UBE2E2: variants seen among roughly 807,000 people sequenced by gnomAD.
The protein encoded by UBE2E2 is ubiquitin-conjugating enzyme E2 E2.
UBE2E2 carries 6 observed loss-of-function variants against 24.7 expected under a neutral mutation model. That is an observed-to-expected ratio of 0.24 (90% CI 0.13 to 0.48). The LOEUF (loss-of-function observed/expected upper bound fraction) is 0.48, where lower values mean the gene tolerates loss of function less well. Ranked by LOEUF, UBE2E2 falls within the 20% of genes least tolerant of loss-of-function variation. UBE2E2 has a pLI of 0.99. For synonymous variants in UBE2E2, 104 were observed against 83.6 expected (o/e 1.24, Z -1.33); for missense variants, 169 against 245.0 (o/e 0.69, Z 2.07).
chr3:23,530,919 A>G (rs1371187670), intron 4 of UBE2E2, among the ~76,000 whole-genome samples: 6 of 152,048 alleles, frequency 3.9e-5, no homozygotes, highest in Non-Finnish European at 5.9e-5. Context: ...TGCGCTTACT[A>G]TAATTTTTGG....
At chr3:23,375,199 T>G (rs1455934517) in intron 3 of UBE2E2, among the ~76,000 whole-genome samples, 1 of 152,180 alleles carries the variant, frequency 6.6e-6, no homozygotes, top group Non-Finnish European at 1.5e-5. Context: ...CTTTGCTCTT[T>G]GTGTACTCTC....
At chr3:23,401,246 C>G (rs1346052153) in intron 3 of UBE2E2, among the ~76,000 whole-genome samples, 1 of 152,098 alleles carries the variant, frequency 6.6e-6, no homozygotes, top group Admixed American at 6.5e-5. Context: ...AAAGGTAAGT[C>G]TAGAGAAATG....
At chr3:23,574,919 A>G (rs1258470096) in intron 5 of UBE2E2, among the ~76,000 whole-genome samples, 2 of 152,204 alleles carry the variant, frequency 1.3e-5, no homozygotes, top group Admixed American at 6.5e-5. Context: ...CCTAATCTGG[A>G]TATTGAAAAT....
chr3:23,479,549 G>C (rs1047602584), intron 3 of UBE2E2, among the ~76,000 whole-genome samples: 1 of 152,196 alleles, frequency 6.6e-6, no homozygotes, highest in Middle Eastern at 3.4e-3. Flanking sequence ...GGTAGGGGGG[G>C]TATGTTTCAG....
chr3:23,358,927 G>A (rs1176467156), intron 3 of UBE2E2, among the ~76,000 whole-genome samples: 1 of 152,144 alleles, frequency 6.6e-6, no homozygotes, highest in African/African-American at 2.4e-5. Flanking sequence ...CCAGTAAATT[G>A]ACCAAGGGTA....
intron 3 of UBE2E2, among the ~76,000 whole-genome samples, chr3:23,444,986 C>T (rs1698394122): frequency 6.6e-6 from 1 of 152,204 alleles, no homozygotes; most frequent in South Asian, 2.1e-4. Flanking sequence ...CACCCTGCCA[C>T]CAACTCTTTT....
chr3:23,446,539 A>C (rs2125412709), intron 3 of UBE2E2, among the ~76,000 whole-genome samples: 1 of 152,184 alleles, frequency 6.6e-6, no homozygotes, highest in African/African-American at 2.4e-5. Flanking sequence ...TGCCATTGTG[A>C]AAGTTACCTG....
At chr3:23,570,780 G>A (rs1347761654) in intron 5 of UBE2E2, among the ~76,000 whole-genome samples, 1 of 152,196 alleles carries the variant, frequency 6.6e-6, no homozygotes, top group Admixed American at 6.5e-5. Context: ...GTAATGTCAT[G>A]AGCAACTTCT....
At chr3:23,260,355 T>A (rs1451639127) in intron 3 of UBE2E2, among the ~76,000 whole-genome samples, 1 of 152,238 alleles carries the variant, frequency 6.6e-6, no homozygotes, top group African/African-American at 2.4e-5. Context: ...TGTTTCATTC[T>A]GTACTTTTAA....
chr3:23,564,741 G>A (rs935923683), intron 5 of UBE2E2, among the ~76,000 whole-genome samples: 5 of 152,104 alleles, frequency 3.3e-5, no homozygotes, highest in Non-Finnish European at 5.9e-5. Flanking sequence ...TGGTCTGCGC[G>A]GTCACAACCA....
At chr3:23,339,334 A>T (rs1281158729) in intron 3 of UBE2E2, among the ~76,000 whole-genome samples, 1 of 152,184 alleles carries the variant, frequency 6.6e-6, no homozygotes, top group African/African-American at 2.4e-5. Context: ...TATTTGGATC[A>T]AACACTGGAC....
chr3:23,362,132 T>C (rs1466042924), intron 3 of UBE2E2, among the ~76,000 whole-genome samples: 1 of 152,076 alleles, frequency 6.6e-6, no homozygotes, highest in African/African-American at 2.4e-5. Flanking sequence ...AAGGGCTAGT[T>C]AACCCTGACC....
At chr3:23,279,970 C>T (rs1193160319) in intron 3 of UBE2E2, among the ~76,000 whole-genome samples, 1 of 152,202 alleles carries the variant, frequency 6.6e-6, no homozygotes, top group Admixed American at 6.5e-5. Flanking sequence ...TTGACAGTTA[C>T]CTTTGTTACC....
intron 3 of UBE2E2, among the ~76,000 whole-genome samples, chr3:23,390,550 C>T (rs951590893): frequency 7.2e-5 from 11 of 152,316 alleles, no homozygotes; most frequent in African/African-American, 1.4e-4. Flanking sequence ...ATGCTGAACA[C>T]GAACCCAGGT....
chr3:23,371,290 C>G (rs1315774692), intron 3 of UBE2E2, among the ~76,000 whole-genome samples: 1 of 152,118 alleles, frequency 6.6e-6, no homozygotes, highest in African/African-American at 2.4e-5. Context: ...CTCAGCCTCC[C>G]AAAATGCTGA....
At chr3:23,294,261 T>G (rs1418703825) in intron 3 of UBE2E2, among the ~76,000 whole-genome samples, 1 of 152,214 alleles carries the variant, frequency 6.6e-6, no homozygotes, top group Admixed American at 6.5e-5. Flanking sequence ...AATTCTCACC[T>G]AGCCATAATA....
At chr3:23,354,040 T>G (rs1324810838) in intron 3 of UBE2E2, among the ~76,000 whole-genome samples, 1 of 152,104 alleles carries the variant, frequency 6.6e-6, no homozygotes, top group African/African-American at 2.4e-5. Flanking sequence ...AAAACAGAGA[T>G]ATAGATCAGC....
At chr3:23,385,460 T>C (rs1696785633) in intron 3 of UBE2E2, among the ~76,000 whole-genome samples, 1 of 152,206 alleles carries the variant, frequency 6.6e-6, no homozygotes, top group Non-Finnish European at 1.5e-5. Context: ...GTCACCTATT[T>C]TCAATAGTGT....
chr3:23,380,849 T>C (rs1054783488), intron 3 of UBE2E2, among the ~76,000 whole-genome samples: 2 of 152,196 alleles, frequency 1.3e-5, no homozygotes, highest in Admixed American at 6.5e-5. Context: ...AAGCACTTTA[T>C]GTAAAACAAT....
Sources: gnomAD v4.1 joint callset for allele counts (sites outside exome capture counted in the v4.1 genomes callset) on GRCh38, gnomAD v4.1.1 for gene constraint, MANE v1.5 for transcripts, NCBI Gene and HGNC (gene_info 2026-07-23, HGNC 2026-07-21) for gene names.